Variants in TRAT1 observed in about 807,000 individuals in gnomAD.
TRAT1 encodes the protein T-cell receptor-associated transmembrane adapter 1.
A neutral mutation model predicts 20.0 loss-of-function variants in TRAT1; 20 were observed. The ratio of observed to expected loss-of-function variants is 1.00; its 90% confidence interval spans 0.70 to 1.45. TRAT1 has a LOEUF of 1.45. TRAT1 is among the 40% of genes most tolerant of loss of function. The pLI is 0.00. For synonymous variants in TRAT1, 77 were observed against 74.2 expected (o/e 1.04, Z -0.20); for missense variants, 237 against 224.1 (o/e 1.06, Z -0.37).
At chr3:108,842,422 A>G (rs970981239) in intron 3 of TRAT1, among the ~76,000 whole-genome samples, 7 of 152,126 alleles carry the variant, frequency 4.6e-5, no homozygotes, top group Non-Finnish European at 7.4e-5. Context: ...ATGACAAGAG[A>G]ACTCTTGGGT....
At chr3:108,830,625 G>C in intron 1 of TRAT1, 45 bp from the exon 2 acceptor site, 1 of 1,308,720 alleles carries the variant, frequency 7.6e-7, no homozygotes, top group Non-Finnish European at 1.1e-6. Context: ...AAAACAAATG[G>C]GTAAGCAGCT....
chr3:108,824,113 G>A (rs111352680), intron 1 of TRAT1, among the ~76,000 whole-genome samples: 29,045 of 152,014 alleles, frequency 0.19, 3,564 homozygotes, highest in Non-Finnish European at 0.26. Context: ...CTCATGATCC[G>A]CCCGCCTTGG....
chr3:108,824,063 G>T (rs929275246), intron 1 of TRAT1, among the ~76,000 whole-genome samples: 1 of 151,946 alleles, frequency 6.6e-6, no homozygotes, highest in East Asian at 1.9e-4. Context: ...ATAGAGACAG[G>T]GTTTCATTAT....
chr3:108,841,806 T>G lies in TRAT1; in HGVS notation c.152+2839T>G, dbSNP rs376746202. On this transcript the variant is annotated intron_variant, in intron 3 of 5. Coordinates refer to ENST00000295756, the MANE Select transcript of TRAT1 (RefSeq NM_016388.4). ...CTATTTATTCTTGGGTCACTTTATTTCTCATTTAAAACATAATTCTTGCCT... is the reference window on the plus strand; with the variant it reads ...CTATTTATTCTTGGGTCACTTTATTGCTCATTTAAAACATAATTCTTGCCT... 6.2e-4 allele frequency among the ~76,000 whole-genome samples: 95 copies of G among 152,314 alleles called. 3 individuals are homozygous for G. In the South Asian group the frequency reaches 0.017, roughly 28 times the overall value.
intron 3 of TRAT1, among the ~76,000 whole-genome samples, chr3:108,845,456 T>G (rs2107514206): frequency 6.6e-6 from 1 of 152,328 alleles, no homozygotes; most frequent in East Asian, 1.9e-4. Context: ...AGAAAAATCA[T>G]GAGCAGGGAC....
chr3:108,829,712 G>A (rs2107506937), intron 1 of TRAT1, among the ~76,000 whole-genome samples: 1 of 152,156 alleles, frequency 6.6e-6, no homozygotes, highest in Middle Eastern at 3.4e-3. Context: ...CTTCATAACT[G>A]TTGGGATGTC....
chr3:108,829,031 G>T (rs112433884), intron 1 of TRAT1, among the ~76,000 whole-genome samples: 4,371 of 152,178 alleles, frequency 0.029, 79 homozygotes, highest in Middle Eastern at 0.068. Flanking sequence ...AATGATCAAG[G>T]TCCCAAAGTA....
chr3:108,852,399 A>ATG (rs942626535), intron 5 of TRAT1, among the ~76,000 whole-genome samples: 1 of 234 alleles, frequency 4.3e-3, no homozygotes, highest in Non-Finnish European at 0.028. Context: ...ACACGCATGC[A>ATG]CACACACACA....
chr3:108,849,318 T>C (rs760689632), intron 5 of TRAT1, 64 bp downstream of exon 5: 8 of 1,364,196 alleles, frequency 5.9e-6, no homozygotes, highest in Admixed American at 3.8e-5. Context: ...TACATTATGA[T>C]ACACATCTGA....
chr3:108,829,137 C>A (rs937308975), intron 1 of TRAT1, among the ~76,000 whole-genome samples: 1 of 152,152 alleles, frequency 6.6e-6, no homozygotes, highest in Non-Finnish European at 1.5e-5. Context: ...ATTACTGCAT[C>A]CATTAAATGC....
intron 3 of TRAT1, among the ~76,000 whole-genome samples, chr3:108,841,374 G>C (rs535663870): frequency 3.3e-5 from 5 of 152,050 alleles, no homozygotes. Context: ...TGCTTATGTG[G>C]TTTGGGAACA....
intron 3 of TRAT1, among the ~76,000 whole-genome samples, chr3:108,842,632 C>T (rs2715680): frequency 1.3e-5 from 2 of 152,196 alleles, no homozygotes; most frequent in Admixed American, 6.5e-5. Context: ...CTGAGAATTT[C>T]GGGGTTCCCC....
rs1163572847 is a variant in TRAT1, at chr3:108,849,254, G to A, written c.303G>A (p.Gln101=). ...NKMQEATPSA[Q]ATNETQMCYA... ...TGCAGGAAGCCACCCCATCTGCACA[G>A]GTGAGTTTTGTTTTCTGTTTCCACA... Residue 101 remains glutamine, a splice_region_variant and synonymous_variant, in exon 5 of 6, where the codon CAG becomes CAA. Coordinates refer to ENST00000295756, the MANE Select transcript of TRAT1 (RefSeq NM_016388.4). 6.2e-7 allele frequency: 1 copy of A among 1,612,718 alleles called. No homozygotes were observed. The highest frequency in any genetic ancestry group is 2.2e-5 in the East Asian group (1 of 44,854).
intron 5 of TRAT1, among the ~76,000 whole-genome samples, chr3:108,851,758 C>T (rs188930875): frequency 6.6e-6 from 1 of 152,046 alleles, no homozygotes; most frequent in African/African-American, 2.4e-5. Context: ...ATGTGTTTTC[C>T]ACCCATGCAC....
At chr3:108,825,473 A>G (rs1253674632) in intron 1 of TRAT1, among the ~76,000 whole-genome samples, 2 of 152,066 alleles carry the variant, frequency 1.3e-5, no homozygotes, top group Non-Finnish European at 2.9e-5. Context: ...TCTTCTCTTG[A>G]GCCTCATCAC....
intron 3 of TRAT1, chr3:108,839,264 C>T (rs1945869786): frequency 8.1e-6 from 3 of 368,750 alleles, no homozygotes; most frequent in Non-Finnish European, 1.5e-5. Context: ...GATTATGATC[C>T]AGCTTAGATA....
At chr3:108,825,985 A>C (rs1327607391) in intron 1 of TRAT1, among the ~76,000 whole-genome samples, 1 of 152,204 alleles carries the variant, frequency 6.6e-6, no homozygotes, top group Non-Finnish European at 1.5e-5. Flanking sequence ...TAATCTCAGT[A>C]GAATTTCTGA....
chr3:108,838,863 A>T (rs1945865403), intron 2 of TRAT1, 71 bp from the exon 3 acceptor site: 2 of 1,220,434 alleles, frequency 1.6e-6, no homozygotes, highest in Admixed American at 1.7e-5. Flanking sequence ...TCCCCTCAGA[A>T]CACACTTTAG....
chr3:108,844,823 G>A (rs1237702156), intron 3 of TRAT1, among the ~76,000 whole-genome samples: 3 of 112,532 alleles, frequency 2.7e-5, no homozygotes, highest in South Asian at 2.7e-4. Flanking sequence ...CAGCCTGGGT[G>A]ACAGAGAGAG....
Sources: allele counts gnomAD v4.1 joint callset (sites outside exome capture counted in the v4.1 genomes callset), GRCh38; gene constraint gnomAD v4.1.1; transcripts MANE v1.5; gene names NCBI Gene and HGNC (gene_info 2026-07-23, HGNC 2026-07-21).